Variants in NUP153 observed in about 807,000 individuals in gnomAD.
NUP153 encodes nuclear pore complex protein Nup153.
NUP153 carries 27 observed loss-of-function variants against 134.6 expected under a neutral mutation model. The ratio of observed to expected loss-of-function variants is 0.20; its 90% CI spans 0.15 to 0.28. The LOEUF is 0.28. Among genes scored for constraint, NUP153 ranks in the 10% least tolerant of loss-of-function variants. The pLI is 1.00. For missense variants in NUP153, 1,821 were observed against 1,731.3 expected (o/e 1.05, Z -0.92); for synonymous variants, 640 against 623.5 (o/e 1.03, Z -0.40).
intron 11 of NUP153, among the ~76,000 whole-genome samples, chr6:17,653,024 G>A (rs954995009): frequency 1.1e-4 from 17 of 151,996 alleles, no homozygotes; most frequent in Admixed American, 6.6e-4. Context: ...AGGCCGAGGC[G>A]GGTGGACTGC....
chr6:17,620,895 A>G (rs1009289601), intron 20 of NUP153, among the ~76,000 whole-genome samples: 1 of 152,240 alleles, frequency 6.6e-6, no homozygotes, highest in African/African-American at 2.4e-5. Flanking sequence ...AAGCTTCTGC[A>G]CAGCAAAAGA....
Position 17,639,953 on chromosome 6 carries a change from A to T in NUP153, c.1832T>A (p.Ile611Asn). 6.2e-7 allele frequency: 1 copy of T among 1,604,912 alleles called. No individual in the cohort carries two copies. Among genetic ancestry groups the T allele is most frequent in the Non-Finnish European group, 8.5e-7 (1 of 1,177,518 alleles). The change falls in exon 15 of 22, where the codon ATT becomes AAT. Residue 611 changes from isoleucine to asparagine, a missense_variant. Ile to Asn is a moderately radical substitution (Grantham distance 149, BLOSUM62 -3). Transcript: ENST00000262077. Reference protein sequence around the residue: ...EILKEGSVLDILKSPGFASPK... With the variant: ...EILKEGSVLDNLKSPGFASPK... Reference sequence around the variant, plus strand: ...AATTATCTTACCAGGGCTTTTCAGAATATCTAGAACACTTCCTTCTTTCAG... The same window carrying T: ...AATTATCTTACCAGGGCTTTTCAGATTATCTAGAACACTTCCTTCTTTCAG...
chr6:17,639,914 A>C (rs1465939206), intron 15 of NUP153, 25 bp downstream of exon 15: 1 of 1,581,274 alleles, frequency 6.3e-7, no homozygotes, highest in African/African-American at 1.4e-5. Flanking sequence ...TTGTAATCAA[A>C]AGGCTTATCT....
chr6:17,665,295 G>C lies in NUP153; in HGVS notation c.1159C>G (p.Leu387Val). Residue 387 changes from leucine (L) to valine (V), a missense_variant, in exon 9 of 22, where the codon CTG becomes GTG. Leu to Val is a conservative substitution (Grantham distance 32, BLOSUM62 1). Coordinates refer to ENST00000262077, the MANE Select transcript of NUP153 (RefSeq NM_005124.4). ...TTCCTGAATTCACCAGAAGGAGTCA[G>C]AGATGGTTTAAAATAAACACTTCGA... Reference protein sequence around the residue: ...TNRSVYFKPSLTPSGEFRKTN... With the variant: ...TNRSVYFKPSVTPSGEFRKTN... 1 of 1,612,598 alleles carries C rather than the reference G, an allele frequency of 6.2e-7. No individual in the cohort carries two copies. The highest frequency in any genetic ancestry group is 8.5e-7 in the Non-Finnish European group (1 of 1,178,728).
chr6:17,640,538 G>C (rs1765783935), intron 14 of NUP153, among the ~76,000 whole-genome samples: 1 of 152,060 alleles, frequency 6.6e-6, no homozygotes, highest in Admixed American at 6.5e-5. Flanking sequence ...AACCTATATG[G>C]TAAAATATTA....
intron 5 of NUP153, among the ~76,000 whole-genome samples, chr6:17,670,544 T>C (rs538946554): frequency 6.6e-6 from 1 of 152,322 alleles, no homozygotes; most frequent in Admixed American, 6.5e-5. Flanking sequence ...CTGTGCCTAC[T>C]GCACTGGCTA....
At chr6:17,643,591 G>T (rs1047676175) in intron 14 of NUP153, among the ~76,000 whole-genome samples, 2 of 152,038 alleles carry the variant, frequency 1.3e-5, no homozygotes, top group Non-Finnish European at 2.9e-5. Context: ...AGTAATTTAC[G>T]GTAAAATGTT....
intron 17 of NUP153, among the ~76,000 whole-genome samples, chr6:17,629,761 T>C (rs960534829): frequency 2.6e-5 from 4 of 152,202 alleles, no homozygotes; most frequent in African/African-American, 9.6e-5. Context: ...CCACTTTTCA[T>C]TTATCAGACT....
Position 17,678,352 on chromosome 6 carries a change from C to CAAAAAAAAA in NUP153, c.335-2591_335-2583dup, listed in dbSNP as rs11428582. On this transcript the variant is annotated intron_variant, in intron 2 of 21. Coordinates refer to ENST00000262077, the MANE Select transcript of NUP153 (RefSeq NM_005124.4). Reference sequence around the variant, plus strand: ...GCCTGGTTGACAGAACCCTCTGTCTCAAAAAAAAAAAAAAAAAAAAAAAGA... The same window carrying CAAAAAAAAA: ...GCCTGGTTGACAGAACCCTCTGTCTCAAAAAAAAAAAAAAAAAAAAAAAAAAAAAAAAGA... Among the ~76,000 whole-genome samples, 31 of 68,218 alleles carry CAAAAAAAAA rather than the reference C, an allele frequency of 4.5e-4. 2 individuals are homozygous for CAAAAAAAAA. The highest frequency in any genetic ancestry group is 1.6e-3 in the African/African-American group (25 of 15,710). The allele number at this position is 68,218 out of a possible 152,430, so 44.8% of individuals were successfully genotyped here. A position where few individuals can be genotyped will look rare whatever the true frequency, so the allele number is the denominator to read the frequency against.
chr6:17,621,953 CTTTAAAATATTTTTTTAAAGTTTTTCA>C (rs1764662558), intron 20 of NUP153, among the ~76,000 whole-genome samples: 1 of 151,874 alleles, frequency 6.6e-6, no homozygotes, highest in Non-Finnish European at 1.5e-5. Context: ...AAATGAAAAA[CTTTAAAATATTTTTTTAAAGTTTTTCA>C]TTTTTATCAA....
In NUP153 at chr6:17,702,351, C is replaced by T. The variant is rs911903990; in HGVS notation, c.111+3926G>A. 4.6e-5 allele frequency among the ~76,000 whole-genome samples: 7 copies of T among 152,200 alleles called. No homozygotes were observed. The East Asian group carries it at 9.6e-4, about 21-fold the overall frequency. ...TGAAACCCCGTCTCTGCTAAAAATA[C>T]AAAAAATTAGCCGGACGTGGTGGCA... On this transcript the variant is annotated intron_variant, in intron 1 of 21. Transcript: ENST00000262077.
intron 11 of NUP153, among the ~76,000 whole-genome samples, chr6:17,654,520 C>A (rs142527597): frequency 0.017 from 2,634 of 152,226 alleles, 42 homozygotes; most frequent in Middle Eastern, 0.051. Flanking sequence ...CAGGGTTTCA[C>A]CATGTTGGCC....
chr6:17,661,938 T>A (rs1767211926), intron 10 of NUP153, 80 bp downstream of exon 10: 1 of 1,286,614 alleles, frequency 7.8e-7, no homozygotes. Flanking sequence ...ATTTTAATCT[T>A]CAAAAAGGTA....
intron 13 of NUP153, among the ~76,000 whole-genome samples, chr6:17,646,919 T>TC (rs1290428291): frequency 1.7e-4 from 2 of 11,500 alleles, no homozygotes; most frequent in Non-Finnish European, 5.8e-4. Context: ...CTGTATTTTC[T>TC]TTTTTTTTTT....
At position 17,675,986 on chromosome 6, in the gene NUP153, G is replaced by A. The variant is rs1768202459; in HGVS notation, c.335-216C>T. ...AATAAGAGCTAATTTTTTTAAACCAGTAAGAGTGATGTGATACGATACAAC... is the reference window on the plus strand; with the variant it reads ...AATAAGAGCTAATTTTTTTAAACCAATAAGAGTGATGTGATACGATACAAC... On this transcript the variant is annotated intron_variant, in intron 2 of 21. Transcript: ENST00000262077. The surrounding 1 kb of genome is among the most constrained non-coding windows in gnomAD (Gnocchi z 4.4). Among the ~76,000 whole-genome samples, 1 of 152,104 alleles carries A rather than the reference G, an allele frequency of 6.6e-6. No homozygotes were observed. The highest frequency in any genetic ancestry group is 1.5e-5 in the Non-Finnish European group (1 of 68,014).
In NUP153 at chr6:17,616,565, G is replaced by A. The variant is rs1561846486; in HGVS notation, c.4305C>T (p.Gly1435=). ...AASAQPSGSG[G]FPFNQSPAAF... ...CTGCTGGAGACTGGTTAAATGGAAA[G>A]CCCCCCGAGCCTGAAGGCTGGGCTG... is the stretch of plus-strand genomic sequence containing the variant. Residue 1435 remains glycine, a synonymous_variant, in exon 21 of 22, where the codon GGC becomes GGT. Transcript: ENST00000262077. 4.3e-6 allele frequency: 7 copies of A among 1,613,874 alleles called. No homozygotes were observed. The highest frequency in any genetic ancestry group is 1.7e-5 in the Admixed American group (1 of 59,940).
At chr6:17,645,169 G>A (rs556006798) in intron 14 of NUP153, among the ~76,000 whole-genome samples, 67 of 151,876 alleles carry the variant, frequency 4.4e-4, no homozygotes, top group African/African-American at 1.4e-3. Flanking sequence ...TTTGAATTCG[G>A]GAGGCAGAGG....
intron 11 of NUP153, among the ~76,000 whole-genome samples, chr6:17,657,396 A>T (rs976915431): frequency 7.4e-5 from 11 of 149,294 alleles, no homozygotes; most frequent in Middle Eastern, 6.8e-3. Flanking sequence ...AAAAAAATAA[A>T]AAAATAAAAA....
chr6:17,626,223 T>G (rs1383181105), intron 18 of NUP153, 59 bp from the exon 19 acceptor site: 29 of 1,328,686 alleles, frequency 2.2e-5, no homozygotes, highest in Non-Finnish European at 2.8e-5. Context: ...CAGAAAGTAC[T>G]TTTTCCTACC....
Sources: gnomAD v4.1 joint callset for allele counts (sites outside exome capture counted in the v4.1 genomes callset) on GRCh38, gnomAD v4.1.1 for gene constraint, Gnocchi (gnomAD v3.1) non-coding constraint, MANE v1.5 for transcripts, NCBI Gene and HGNC (gene_info 2026-07-23, HGNC 2026-07-21) for gene names.